Variants in EYA4 observed in about 807,000 individuals in gnomAD.
EYA4 encodes protein phosphatase EYA4.
Under a neutral mutation model 87.9 loss-of-function variants are expected in EYA4, and 31 were observed. The observed-to-expected ratio is 0.35, with a 90% CI of 0.27 to 0.48. The LOEUF (loss-of-function observed/expected upper bound fraction) is 0.48. Among genes scored for constraint, EYA4 ranks in the 20% least tolerant of loss-of-function variants. The pLI is 0.99. For synonymous variants in EYA4, 263 were observed against 270.6 expected (o/e 0.97, Z 0.28); for missense variants, 678 against 761.4 (o/e 0.89, Z 1.29).
intron 2 of EYA4, among the ~76,000 whole-genome samples, chr6:133,279,197 A>G (rs1321782812): frequency 6.6e-6 from 1 of 152,166 alleles, no homozygotes; most frequent in Non-Finnish European, 1.5e-5. Context: ...AATGTTAAGT[A>G]TTGTATGTTA....
At chr6:133,241,214 G>T (rs1400744736), upstream of EYA4, 3 of 151,914 alleles carry the variant, frequency 2.0e-5, no homozygotes, top group Admixed American at 2.0e-4. Context: ...CGCCCCCCGC[G>T]TCCCTGGCGG....
chr6:133,309,163 T>C (rs539675548), intron 2 of EYA4, among the ~76,000 whole-genome samples: 12 of 151,808 alleles, frequency 7.9e-5, no homozygotes, highest in Non-Finnish European at 4.4e-5. Flanking sequence ...TCCAATATGA[T>C]ACAGTTTCCT....
In EYA4 at chr6:133,385,440, T is replaced by TGTGTGA. The variant is rs1198712820; in HGVS notation, c.83+3000_83+3001insTGTGAG. Among the ~76,000 whole-genome samples, 153 of 103,944 alleles carry TGTGTGA rather than the reference T, an allele frequency of 1.5e-3. 2 individuals carry two copies. The highest frequency in any genetic ancestry group is 5.1e-3 in the African/African-American group (147 of 28,888). The allele number at this position is 103,944 out of a possible 152,430, so 68.2% of individuals were successfully genotyped here. On this transcript the variant is annotated intron_variant, in intron 3 of 19. Coordinates refer to ENST00000355286, the MANE Select transcript of EYA4 (RefSeq NM_004100.5). ...GTGTGTGTGTGTGTGTGTGTGTGTGTGAGAGAGAGAGAGAGAGATTCAGAT... is the reference window on the plus strand; with the variant it reads ...GTGTGTGTGTGTGTGTGTGTGTGTGTGTGTGAGAGAGAGAGAGAGAGAGATTCAGAT...
intron 2 of EYA4, among the ~76,000 whole-genome samples, chr6:133,317,069 A>G (rs894782305): frequency 4.6e-5 from 7 of 152,178 alleles, no homozygotes; most frequent in Non-Finnish European, 8.8e-5. Context: ...AATAGAGGTT[A>G]GAGAGACAAG....
At chr6:133,524,314 A>AT (rs756287472) in intron 18 of EYA4, among the ~76,000 whole-genome samples, 4 of 152,150 alleles carry the variant, frequency 2.6e-5, no homozygotes, top group Non-Finnish European at 5.9e-5. Flanking sequence ...AATCATTTTT[A>AT]TTTTTTCCAT....
At chr6:133,379,990 T>G (rs1464785857) in intron 2 of EYA4, among the ~76,000 whole-genome samples, 1 of 152,166 alleles carries the variant, frequency 6.6e-6, no homozygotes, top group Non-Finnish European at 1.5e-5. Context: ...CTGGCAAACT[T>G]CTTGACACTG....
chr6:133,306,186 G>A (rs1779793290), intron 2 of EYA4, among the ~76,000 whole-genome samples: 1 of 152,184 alleles, frequency 6.6e-6, no homozygotes, highest in African/African-American at 2.4e-5. Flanking sequence ...GGAGACTAGA[G>A]AAAAGAGAGG....
At chr6:133,370,853 A>AT (rs1785214509) in intron 2 of EYA4, among the ~76,000 whole-genome samples, 1 of 152,066 alleles carries the variant, frequency 6.6e-6, no homozygotes, top group Non-Finnish European at 1.5e-5. Context: ...TTATGGAACT[A>AT]TTTTTTCCTG....
intron 2 of EYA4, among the ~76,000 whole-genome samples, chr6:133,306,376 T>A (rs1375217119): frequency 1.3e-5 from 2 of 152,164 alleles, no homozygotes; most frequent in Non-Finnish European, 2.9e-5. Flanking sequence ...AAACTGGGGT[T>A]CTGATAGGTA....
At chr6:133,289,703 C>G (rs886730721) in intron 2 of EYA4, among the ~76,000 whole-genome samples, 24 of 152,150 alleles carry the variant, frequency 1.6e-4, no homozygotes, top group African/African-American at 5.6e-4. Flanking sequence ...ACAATAGAGT[C>G]AGACTAAAGT....
In EYA4 at chr6:133,438,532, T is replaced by A. The variant is rs146738289; in HGVS notation, c.84-8098T>A. Among the ~76,000 whole-genome samples, 9 of 151,706 alleles carry A rather than the reference T, an allele frequency of 5.9e-5. No homozygotes were observed. The East Asian group carries it at 1.7e-3, about 29-fold the overall frequency. On this transcript the variant is annotated intron_variant, in intron 3 of 19. Transcript: ENST00000355286. ...TCAAAACCCAGCTAAGAATTTCTGA[T>A]GACATTTTCTAGAATCTTTAAGTTT...
At chr6:133,310,306 C>G (rs1009437838) in intron 2 of EYA4, among the ~76,000 whole-genome samples, 16 of 152,156 alleles carry the variant, frequency 1.1e-4, no homozygotes, top group Non-Finnish European at 2.1e-4. Context: ...GACTTGAAAA[C>G]TACTTCACTA....
chr6:133,464,977 T>G (rs745329927), intron 10 of EYA4, 119 bp downstream of exon 10: 66 of 682,938 alleles, frequency 9.7e-5, no homozygotes, highest in Admixed American at 4.6e-4. Flanking sequence ...TTAAAAATTA[T>G]GATAGCATTT....
At chr6:133,306,219 C>T (rs745791869) in intron 2 of EYA4, among the ~76,000 whole-genome samples, 8 of 152,136 alleles carry the variant, frequency 5.3e-5, no homozygotes, top group Non-Finnish European at 8.8e-5. Context: ...AGATACTTAC[C>T]GCGGTAAGTG....
At chr6:133,511,646 C>T (rs1691996033) in intron 14 of EYA4, 1 of 151,996 alleles carries the variant, frequency 6.6e-6, no homozygotes, top group Non-Finnish European at 1.5e-5. Flanking sequence ...ACATAAGTTA[C>T]CATTTGTTCT....
intron 17 of EYA4, among the ~76,000 whole-genome samples, chr6:133,520,815 C>A (rs1800053361): frequency 6.6e-6 from 1 of 151,850 alleles, no homozygotes; most frequent in Non-Finnish European, 1.5e-5. Flanking sequence ...CACCGCCTAT[C>A]TACAACTATC....
chr6:133,350,603 G>A (rs1176463001), intron 2 of EYA4, among the ~76,000 whole-genome samples: 1 of 152,060 alleles, frequency 6.6e-6, no homozygotes, highest in Non-Finnish European at 1.5e-5. Context: ...AGAGGGGCTG[G>A]AGTGCAGTGA....
intron 2 of EYA4, among the ~76,000 whole-genome samples, chr6:133,377,336 G>A (rs142940312): frequency 9.9e-5 from 15 of 151,968 alleles, no homozygotes; most frequent in South Asian, 2.1e-4. Context: ...GAAATCTGGT[G>A]TGCTTTTTAC....
chr6:133,413,910 A>G (rs1260007773), intron 3 of EYA4, among the ~76,000 whole-genome samples: 2 of 152,194 alleles, frequency 1.3e-5, no homozygotes, highest in East Asian at 3.8e-4. Context: ...CTTCTTCATC[A>G]CAGAAATCTG....
Sources: allele counts gnomAD v4.1 joint callset (sites outside exome capture counted in the v4.1 genomes callset), GRCh38; gene constraint gnomAD v4.1.1; transcripts MANE v1.5; gene names NCBI Gene and HGNC (gene_info 2026-07-23, HGNC 2026-07-21).